EFL1: variants seen among roughly 807,000 people sequenced by gnomAD.
EFL1 encodes elongation factor-like GTPase 1.
Under a neutral mutation model 126.7 loss-of-function variants are expected in EFL1, and 76 were observed. That is an observed-to-expected ratio of 0.60 (90% CI 0.50 to 0.73). The LOEUF is 0.73. Among genes scored for constraint, EFL1 ranks in the 30% least tolerant of loss-of-function variants. The pLI, the probability that EFL1 is intolerant of heterozygous loss-of-function variation, is 0.00. For synonymous variants in EFL1, 410 were observed against 448.4 expected (o/e 0.91, Z 1.08); for missense variants, 1,128 against 1,343.2 (o/e 0.84, Z 2.50).
chr15:82,133,058 G>A (rs2073676634), intron 19 of EFL1, among the ~76,000 whole-genome samples: 1 of 152,176 alleles, frequency 6.6e-6, no homozygotes, highest in African/African-American at 2.4e-5. Flanking sequence ...CCAGGGTGAG[G>A]GTAGGTGTAG....
At chr15:82,141,311 A>G (rs933862465) in intron 18 of EFL1, among the ~76,000 whole-genome samples, 22 of 152,206 alleles carry the variant, frequency 1.4e-4, no homozygotes, top group African/African-American at 5.3e-4. Context: ...ATAGAAAAGA[A>G]ATCTTACCAT....
Position 82,172,080 on chromosome 15 carries a change from A to G in EFL1, c.1751-8096T>C, listed in dbSNP as rs1567049446. On this transcript the variant is annotated intron_variant, in intron 15 of 19. Coordinates refer to ENST00000268206, the MANE Select transcript of EFL1 (RefSeq NM_024580.6). ...GAAAAGAAAGCCTCAGTCAAAAAAC[A>G]TTAAAAAAAAAAAGAATCTCATTGA... Among the ~76,000 whole-genome samples, 5 of 141,476 alleles carry G rather than the reference A, an allele frequency of 3.5e-5. No individual in the cohort carries two copies. The South Asian group carries it at 6.4e-4, about 18-fold the overall frequency. The allele number at this position is 141,476 out of a possible 152,430, so 92.8% of individuals were successfully genotyped here.
At chr15:82,167,620 G>A (rs1199118652) in intron 15 of EFL1, among the ~76,000 whole-genome samples, 2 of 152,100 alleles carry the variant, frequency 1.3e-5, no homozygotes, top group Non-Finnish European at 2.9e-5. Flanking sequence ...TGTTGCACAG[G>A]TTTAATCAAT....
intron 14 of EFL1, among the ~76,000 whole-genome samples, chr15:82,215,859 T>C (rs1187193137): frequency 3.9e-5 from 6 of 152,138 alleles, no homozygotes; most frequent in African/African-American, 1.4e-4. Context: ...ATGTTACATC[T>C]AAATGTATGT....
chr15:82,258,043 C>G (rs2075081183), intron 3 of EFL1, among the ~76,000 whole-genome samples: 1 of 152,178 alleles, frequency 6.6e-6, no homozygotes, highest in Non-Finnish European at 1.5e-5. Context: ...ACATCAATTC[C>G]CAAATCGATC....
chr15:82,220,936 G>C (rs2074705247), intron 12 of EFL1, among the ~76,000 whole-genome samples: 1 of 152,180 alleles, frequency 6.6e-6, no homozygotes, highest in African/African-American at 2.4e-5. Flanking sequence ...TTTGGGTTTG[G>C]AAGGTAGAAA....
chr15:82,169,515 T>C (rs1425357593), intron 15 of EFL1, among the ~76,000 whole-genome samples: 1 of 152,212 alleles, frequency 6.6e-6, no homozygotes, highest in African/African-American at 2.4e-5. Context: ...ATTCCTGACA[T>C]GGACAACTAG....
intron 15 of EFL1, among the ~76,000 whole-genome samples, chr15:82,178,166 A>G (rs1187834082): frequency 6.6e-6 from 1 of 152,230 alleles, no homozygotes; most frequent in Non-Finnish European, 1.5e-5. Flanking sequence ...CAAAGCTAAC[A>G]TGCTGACAGA....
intron 11 of EFL1, among the ~76,000 whole-genome samples, chr15:82,226,315 T>C (rs2074763593): frequency 6.6e-6 from 1 of 152,118 alleles, no homozygotes; most frequent in Non-Finnish European, 1.5e-5. Flanking sequence ...ACTACAAGCG[T>C]GTACCACCAC....
chr15:82,253,346 CTT>C (rs199923307), intron 3 of EFL1, among the ~76,000 whole-genome samples: 5 of 143,070 alleles, frequency 3.5e-5, no homozygotes, highest in Middle Eastern at 3.3e-3. Flanking sequence ...AGCCCTCTCT[CTT>C]TTTTTTTTTT....
chr15:82,181,359 T>C (rs150424491), intron 15 of EFL1, among the ~76,000 whole-genome samples: 1 of 152,340 alleles, frequency 6.6e-6, no homozygotes, highest in East Asian at 1.9e-4. Context: ...TTTGTGACTA[T>C]ACTTGACATG....
At chr15:82,183,549 G>T (rs2074273436) in intron 15 of EFL1, among the ~76,000 whole-genome samples, 1 of 152,180 alleles carries the variant, frequency 6.6e-6, no homozygotes, top group South Asian at 2.1e-4. Context: ...ACAGGGGCCA[G>T]CTGAGAACAG....
chr15:82,206,475 T>A (rs1423086715), intron 15 of EFL1, among the ~76,000 whole-genome samples: 4 of 152,142 alleles, frequency 2.6e-5, no homozygotes, highest in Non-Finnish European at 1.5e-5. Flanking sequence ...TATTATGGGA[T>A]CAAGGAAAGT....
intron 16 of EFL1, chr15:82,160,000 C>T (rs2074006332): frequency 6.6e-6 from 1 of 152,264 alleles, no homozygotes; most frequent in African/African-American, 2.4e-5. Context: ...ATTGTGGTAG[C>T]CAGCCTCCAA....
chr15:82,161,327 A>G (rs1305897785), intron 16 of EFL1, among the ~76,000 whole-genome samples: 2 of 152,226 alleles, frequency 1.3e-5, no homozygotes, highest in Non-Finnish European at 2.9e-5. Flanking sequence ...GTAATCTACG[A>G]ATAAGGGGGT....
intron 12 of EFL1, among the ~76,000 whole-genome samples, chr15:82,221,724 C>T (rs1019084074): frequency 6.6e-6 from 1 of 152,330 alleles, no homozygotes; most frequent in African/African-American, 2.4e-5. Flanking sequence ...GCAATCAAAA[C>T]TGCTGGCACT....
intron 16 of EFL1, among the ~76,000 whole-genome samples, chr15:82,158,995 C>A (rs2073995242): frequency 6.6e-6 from 1 of 152,202 alleles, no homozygotes; most frequent in East Asian, 1.9e-4. Flanking sequence ...AGCCAGAGAG[C>A]CCATGCTCTG....
chr15:82,145,584 C>T (rs921857316), intron 18 of EFL1, among the ~76,000 whole-genome samples: 1 of 151,924 alleles, frequency 6.6e-6, no homozygotes, highest in African/African-American at 2.4e-5. Flanking sequence ...GTAATCCCAG[C>T]ACTTTGGGAG....
intron 12 of EFL1, among the ~76,000 whole-genome samples, chr15:82,224,528 T>C (rs977030966): frequency 4.6e-5 from 7 of 152,148 alleles, no homozygotes; most frequent in African/African-American, 1.2e-4. Flanking sequence ...CTGAGTCTTA[T>C]AAAGATCACT....
Sources: gnomAD v4.1 joint callset for allele counts (sites outside exome capture counted in the v4.1 genomes callset) on GRCh38, gnomAD v4.1.1 for gene constraint, MANE v1.5 for transcripts, NCBI Gene and HGNC (gene_info 2026-07-23, HGNC 2026-07-21) for gene names.